The following UBR1 variants were observed in gnomAD, a reference collection of about 807,000 sequenced individuals.
UBR1 encodes ubiquitin protein ligase E3 component n-recognin 1, also known as E3 ubiquitin-protein ligase UBR1.
Under a neutral mutation model 242.1 loss-of-function variants are expected in UBR1, and 102 were observed. The observed-to-expected ratio is 0.42, with a 90% CI of 0.36 to 0.50. The LOEUF (loss-of-function observed/expected upper bound fraction) is 0.50. UBR1 is among the 20% of genes least tolerant of loss of function. The probability of loss-of-function intolerance (pLI) is 0.01; values close to 1 mark genes in which losing one functional copy is unlikely to be tolerated. For synonymous variants in UBR1, 675 were observed against 684.8 expected, an observed-to-expected ratio of 0.99 and a Z score of 0.22; for missense variants, 1,772 against 2,101.8, an observed-to-expected ratio of 0.84 and a Z score of 3.07.
At chr15:43,071,895 A>G (rs1394621432) in intron 4 of UBR1, among the ~76,000 whole-genome samples, 1 of 152,236 alleles carries the variant, frequency 6.6e-6, no homozygotes, top group Non-Finnish European at 1.5e-5. Flanking sequence ...AAAGCAGAAA[A>G]TAACAAGTAT....
At chr15:42,976,401 C>A (rs2032288184) in intron 39 of UBR1, among the ~76,000 whole-genome samples, 1 of 152,114 alleles carries the variant, frequency 6.6e-6, no homozygotes, top group South Asian at 2.1e-4. Context: ...ACCTCCTTAT[C>A]AAAAGGTTGA....
intron 37 of UBR1, among the ~76,000 whole-genome samples, chr15:42,978,876 G>A (rs1303714473): frequency 1.4e-5 from 2 of 147,048 alleles, no homozygotes; most frequent in East Asian, 3.9e-4. Context: ...TTGCAGGCAC[G>A]CGCCACCACG....
At chr15:43,005,574 A>G (rs1231002292) in intron 30 of UBR1, among the ~76,000 whole-genome samples, 1 of 151,632 alleles carries the variant, frequency 6.6e-6, no homozygotes, top group Admixed American at 6.6e-5. Context: ...CCCGGCCACC[A>G]CCCCGTCTGG....
intron 30 of UBR1, among the ~76,000 whole-genome samples, chr15:43,004,477 T>G (rs377349570): frequency 4.6e-5 from 7 of 152,108 alleles, no homozygotes; most frequent in Admixed American, 3.3e-4. Context: ...GCAACCTCCC[T>G]GCCTGATTCT....
intron 15 of UBR1, among the ~76,000 whole-genome samples, chr15:43,042,293 C>T (rs752201913): frequency 6.6e-6 from 1 of 151,862 alleles, no homozygotes; most frequent in Non-Finnish European, 1.5e-5. Flanking sequence ...TGTCCATCAA[C>T]GGATAAATGG....
At chr15:42,956,961 A>G (rs2031931036) in intron 44 of UBR1, among the ~76,000 whole-genome samples, 1 of 152,248 alleles carries the variant, frequency 6.6e-6, no homozygotes, top group African/African-American at 2.4e-5. Flanking sequence ...AACAGTTTGC[A>G]GCTCCTCAAA....
At chr15:43,011,669 T>C (rs1289141463) in intron 29 of UBR1, among the ~76,000 whole-genome samples, 2 of 152,174 alleles carry the variant, frequency 1.3e-5, no homozygotes, top group African/African-American at 2.4e-5. Flanking sequence ...GGCACGTATA[T>C]ACACTATCAG....
chr15:42,958,136 C>G, intron 43 of UBR1, 46 bp from the exon 44 acceptor site: 1 of 1,452,286 alleles, frequency 6.9e-7, no homozygotes, highest in Non-Finnish European at 9.7e-7. Flanking sequence ...GTAAATAACC[C>G]CAGATCAAAA....
At chr15:43,080,093 T>C (rs976737087) in intron 3 of UBR1, among the ~76,000 whole-genome samples, 1 of 152,208 alleles carries the variant, frequency 6.6e-6, no homozygotes, top group Non-Finnish European at 1.5e-5. Flanking sequence ...ATTTTAGGTT[T>C]TGCAGGCCAC....
chr15:43,046,883 T>C (rs1284470345), intron 14 of UBR1, among the ~76,000 whole-genome samples: 1 of 152,122 alleles, frequency 6.6e-6, no homozygotes, highest in Non-Finnish European at 1.5e-5. Context: ...ATATTATTAT[T>C]AATATGCATT....
At position 43,055,879 on chromosome 15, in the gene UBR1, C is replaced by A. The variant is rs923706595; in HGVS notation, c.1281+465G>T. Reference sequence around the variant, plus strand: ...GCAGTGAGCCCAGGTCGTCCCATTGCACTCCAGCCAGGGCAACCCAGCCAA... The same window carrying A: ...GCAGTGAGCCCAGGTCGTCCCATTGAACTCCAGCCAGGGCAACCCAGCCAA... On this transcript the variant is annotated intron_variant, in intron 11 of 46. Coordinates refer to ENST00000290650, the MANE Select transcript of UBR1 (RefSeq NM_174916.3). 2.8e-4 allele frequency among the ~76,000 whole-genome samples: 42 copies of A among 152,156 alleles called. 1 individual carries two copies. Among genetic ancestry groups the A allele is most frequent in the Admixed American group, 2.7e-3 (42 of 15,282 alleles).
chr15:43,058,240 A>G (rs2033641947), intron 10 of UBR1, 101 bp downstream of exon 10: 2 of 919,998 alleles, frequency 2.2e-6, no homozygotes, highest in East Asian at 2.7e-5. Context: ...GAAATAAATC[A>G]TAACATTTAA....
intron 32 of UBR1, among the ~76,000 whole-genome samples, chr15:42,998,573 C>T (rs1596092211): frequency 6.6e-6 from 1 of 152,294 alleles, no homozygotes; most frequent in African/African-American, 2.4e-5. Flanking sequence ...TTCTCTGATT[C>T]CCTCACACCC....
chr15:43,038,214 C>G lies in UBR1; in HGVS notation c.1868G>C (p.Ser623Thr). ...RTLAGLHVRL[S>T]RLGAVSRLHE... ...CAGTCTTGAAACAGCACCCAGCCTG[C>G]TTAAACGTACATGAAGACCTAAAGT... is the stretch of plus-strand genomic sequence containing the variant. The change falls in exon 16 of 47, where the codon AGC becomes ACC. Residue 623 changes from serine (S) to threonine (T), a missense_variant. Physicochemically the swap from Ser to Thr is moderately conservative, Grantham distance 58. Coordinates refer to ENST00000290650, the MANE Select transcript of UBR1 (RefSeq NM_174916.3). 6.2e-7 allele frequency: 1 copy of G among 1,614,002 alleles called. No homozygotes were observed. The highest frequency in any genetic ancestry group is 8.5e-7 in the Non-Finnish European group (1 of 1,179,982).
At chr15:43,035,191 T>C (rs555984995) in intron 19 of UBR1, among the ~76,000 whole-genome samples, 1 of 152,304 alleles carries the variant, frequency 6.6e-6, no homozygotes, top group South Asian at 2.1e-4. Flanking sequence ...AAACAGCACA[T>C]TCACAATGAT....
intron 43 of UBR1, among the ~76,000 whole-genome samples, chr15:42,959,783 A>C (rs1186940117): frequency 6.6e-6 from 1 of 152,192 alleles, no homozygotes; most frequent in Non-Finnish European, 1.5e-5. Flanking sequence ...TAAATCTCTA[A>C]AGATGTGTTA....
intron 1 of UBR1, among the ~76,000 whole-genome samples, chr15:43,102,845 G>GTA (rs2034254617): frequency 6.6e-6 from 1 of 152,152 alleles, no homozygotes; most frequent in South Asian, 2.1e-4. Context: ...CTGTGTGTGT[G>GTA]TATATATATG....
At position 42,976,725 on chromosome 15, in the gene UBR1, A is replaced by G. The variant is rs755342723; in HGVS notation, c.4361T>C (p.Val1454Ala). The change falls in exon 39 of 47, where the codon GTA becomes GCA. Residue 1454 changes from valine (V) to alanine (A), a missense_variant. Physicochemically the swap from Val to Ala is moderately conservative, Grantham distance 64. This residue lies in a region of UBR1 where 965 missense variants were observed against 1,079.7 expected (regional missense o/e 0.89). Transcript: ENST00000290650. ...MAHMLQILLT[V>A]DTGLPLAQVQ... ...CCAGATGAAAACCTTACCTGTGTCT[A>G]CTGTAAGTAGTATCTGAAGCATGTG... 12 of 1,614,112 alleles carry G rather than the reference A, an allele frequency of 7.4e-6. No homozygotes were observed. The South Asian group carries it at 1.2e-4, about 16-fold the overall frequency.
At chr15:43,038,045 A>C (rs2033360291) in intron 16 of UBR1, 126 bp downstream of exon 16, 2 of 1,233,866 alleles carry the variant, frequency 1.6e-6, no homozygotes, top group Non-Finnish European at 2.3e-6. Flanking sequence ...TACTATATGA[A>C]GATGTAAAAT....
Sources: gnomAD v4.1 joint callset for allele counts (sites outside exome capture counted in the v4.1 genomes callset) on GRCh38, gnomAD v4.1.1 for gene constraint, gnomAD v4.1.1 regional missense constraint, MANE v1.5 for transcripts, NCBI Gene and HGNC (gene_info 2026-07-23, HGNC 2026-07-21) for gene names.